Variants in GNPTAB observed in about 807,000 individuals in gnomAD.
The protein encoded by GNPTAB is N-acetylglucosamine-1-phosphotransferase subunits alpha/beta.
A neutral mutation model predicts 136.6 loss-of-function variants in GNPTAB; 92 were observed. The observed-to-expected ratio is 0.67, with a 90% CI of 0.57 to 0.80. The LOEUF (loss-of-function observed/expected upper bound fraction) is 0.80, where lower values mean the gene tolerates loss of function less well. Ranked by LOEUF, GNPTAB falls within the 30% of genes least tolerant of loss-of-function variation. The pLI is 0.00. For missense variants in GNPTAB, 1,343 were observed against 1,501.8 expected (o/e 0.89, Z 1.75); for synonymous variants, 512 against 535.1 (o/e 0.96, Z 0.60).
rs190237291 is a variant in GNPTAB, at chr12:101,783,303, T to C, written c.572-2682A>G. On this transcript the variant is annotated intron_variant, in intron 5 of 20. Transcript: ENST00000299314. ...ACTAAAATAGAATGTTCACTTCCCA[T>C]TGACACATTTTAAAAGTAATCTGAG... Among the ~76,000 whole-genome samples the C allele has an allele frequency of 4.6e-5, 7 of 152,182 alleles. No homozygotes were observed. The East Asian group carries it at 9.7e-4, about 21-fold the overall frequency.
Position 101,780,603 on chromosome 12 carries a change from C to T in GNPTAB, c.590G>A (p.Gly197Glu), listed in dbSNP as rs1261708006. ...STKDVEDAHS[G>E]LLKGNSRQTV... The stretch of plus-strand genomic sequence containing the variant: ...CTGTCTGCTATTTCCTTTAAGCAGT[C>T]CAGAGTGGGCATCTTCAACTACAAC... Residue 197 changes from glycine (G) to glutamate (E), a missense_variant, in exon 6 of 21, where the codon GGA becomes GAA. Coordinates refer to ENST00000299314, the MANE Select transcript of GNPTAB (RefSeq NM_024312.5). 1.7e-5 allele frequency: 27 copies of T among 1,610,228 alleles called. No individual in the cohort carries two copies. In the Middle Eastern group the frequency reaches 5.1e-4, roughly 30 times the overall value.
At position 101,765,078 on chromosome 12, in the gene GNPTAB, A is replaced by C. The variant is rs756140376; in HGVS notation, c.1839T>G (p.Phe613Leu). The change falls in exon 13 of 21, where the codon TTT becomes TTG. Residue 613 changes from phenylalanine to leucine, a missense_variant. Physicochemically the swap from Phe to Leu is conservative, Grantham distance 22. Coordinates refer to ENST00000299314, the MANE Select transcript of GNPTAB (RefSeq NM_024312.5). ...HSGMNATTIH[F>L]NLTFQNTNDE... ...CGTTTGTATTTTGAAACGTGAGATTAAAATGTATTGTGGTGGCATTCATTC... is the reference window on the plus strand; with the variant it reads ...CGTTTGTATTTTGAAACGTGAGATTCAAATGTATTGTGGTGGCATTCATTC... The C allele has an allele frequency of 6.2e-7, 1 of 1,614,128 alleles. No individual in the cohort carries two copies.
chr12:101,769,923 G>A (rs1953145461), intron 10 of GNPTAB, 98 bp downstream of exon 10: 1 of 1,199,774 alleles, frequency 8.3e-7, no homozygotes, highest in Non-Finnish European at 1.2e-6. Flanking sequence ...GAGCCACCAT[G>A]TCTGGCCTGA....
Position 101,749,088 on chromosome 12 carries a change from A to T in GNPTAB, c.3693+13T>A, listed in dbSNP as rs768262550. On this transcript the variant is annotated intron_variant, in intron 20 of 20. Coordinates refer to ENST00000299314, the MANE Select transcript of GNPTAB (RefSeq NM_024312.5). Reference sequence around the variant, plus strand: ...ATACCATTTAATACCCACATAAAATATATAAAACTTACCTGCTCAGCAAAA... The same window carrying T: ...ATACCATTTAATACCCACATAAAATTTATAAAACTTACCTGCTCAGCAAAA... 7.0e-7 allele frequency: 1 copy of T among 1,428,886 alleles called. No homozygotes were observed. The highest frequency in any genetic ancestry group is 9.9e-7 in the Non-Finnish European group (1 of 1,012,140). The allele number at this position is 1,428,886 out of a possible 1,614,324, so 88.5% of individuals were successfully genotyped here.
chr12:101,752,605 A>C (rs1343211908), intron 19 of GNPTAB, among the ~76,000 whole-genome samples: 1 of 152,234 alleles, frequency 6.6e-6, no homozygotes, highest in East Asian at 1.9e-4. Context: ...AAGCTGGGCT[A>C]GCCCCCAAAT....
intron 5 of GNPTAB, among the ~76,000 whole-genome samples, chr12:101,781,662 T>G (rs1335819113): frequency 6.6e-6 from 1 of 152,086 alleles, no homozygotes; most frequent in East Asian, 1.9e-4. Context: ...CTAGCCTGGG[T>G]GACAGAGTGA....
chr12:101,751,493 A>C (rs965865659), intron 19 of GNPTAB, among the ~76,000 whole-genome samples: 4 of 152,220 alleles, frequency 2.6e-5, no homozygotes, highest in Non-Finnish European at 5.9e-5. Flanking sequence ...AAATCTTCCT[A>C]AACTGAAAGA....
chr12:101,776,212 A>T (rs1193918970), intron 7 of GNPTAB, among the ~76,000 whole-genome samples: 1 of 152,224 alleles, frequency 6.6e-6, no homozygotes, highest in African/African-American at 2.4e-5. Context: ...AATATGTTTA[A>T]AAAAGAAGTG....
intron 20 of GNPTAB, 78 bp from the exon 21 acceptor site, chr12:101,747,319 G>C (rs192149785): frequency 1.3e-6 from 1 of 795,484 alleles, no homozygotes; most frequent in East Asian, 2.6e-5. Context: ...CTTTCTAAGA[G>C]CCATATGACC....
At chr12:101,790,984 A>C (rs549590663) in intron 2 of GNPTAB, among the ~76,000 whole-genome samples, 7 of 152,246 alleles carry the variant, frequency 4.6e-5, no homozygotes, top group African/African-American at 1.4e-4. Flanking sequence ...TGTAAGCTCC[A>C]AGAAAGCAGA....
At chr12:101,821,608 G>C (rs1870807305) in intron 1 of GNPTAB, among the ~76,000 whole-genome samples, 2 of 152,198 alleles carry the variant, frequency 1.3e-5, no homozygotes, top group Non-Finnish European at 2.9e-5. Context: ...GTGGCGATCA[G>C]AGGAGGTTTT....
chr12:101,779,973 C>G, intron 7 of GNPTAB, 179 bp downstream of exon 7: 1 of 661,214 alleles, frequency 1.5e-6, no homozygotes, highest in Middle Eastern at 4.1e-4. Flanking sequence ...CCAAATAAGA[C>G]TCTTAGATTT....
chr12:101,777,993 A>C (rs1363284788), intron 7 of GNPTAB, among the ~76,000 whole-genome samples: 1 of 152,162 alleles, frequency 6.6e-6, no homozygotes, highest in Non-Finnish European at 1.5e-5. Context: ...AATCCAAATA[A>C]ATCTCTGACT....
At chr12:101,751,657 C>G (rs1349596339) in intron 19 of GNPTAB, among the ~76,000 whole-genome samples, 2 of 152,206 alleles carry the variant, frequency 1.3e-5, no homozygotes, top group African/African-American at 4.8e-5. Context: ...GAGCAAGTTA[C>G]TCAACTCACA....
rs1953071705 is a variant in GNPTAB at position 101,765,231 on chromosome 12, G to A, written c.1686C>T (p.Cys562=). The A allele has an allele frequency of 1.2e-6, 2 of 1,613,748 alleles. No homozygotes were observed. Among genetic ancestry groups the A allele is most frequent in the Admixed American group, 1.7e-5 (1 of 60,008 alleles). The stretch of plus-strand genomic sequence containing the variant: ...CTTCTGCAAAGCTGAAATAAGGCAG[G>A]CATTCACCTTTTGGAATAATATAGT... ...QTHYIIPKGE[C]LPYFSFAEVA... is the part of the protein sequence containing the mutation. The change falls in exon 13 of 21, where the codon TGC becomes TGT. Residue 562 remains cysteine (C), a synonymous_variant. Transcript: ENST00000299314.
At chr12:101,809,432 T>C (rs1354776024) in intron 1 of GNPTAB, among the ~76,000 whole-genome samples, 1 of 152,186 alleles carries the variant, frequency 6.6e-6, no homozygotes, top group Non-Finnish European at 1.5e-5. Flanking sequence ...AGTATTTACC[T>C]GAGTTGAAAA....
chr12:101,824,641 AT>A (rs1871000573), intron 1 of GNPTAB, among the ~76,000 whole-genome samples: 1 of 150,826 alleles, frequency 6.6e-6, no homozygotes, highest in Admixed American at 6.6e-5. Flanking sequence ...TAATTTTTGT[AT>A]TTTTTGTAGA....
chr12:101,754,288 G>A (rs910926630), intron 18 of GNPTAB, among the ~76,000 whole-genome samples: 15 of 151,762 alleles, frequency 9.9e-5, no homozygotes, highest in Admixed American at 8.5e-4. Flanking sequence ...AATTAGCCGG[G>A]TGTGGTGGCA....
chr12:101,820,297 G>A lies in GNPTAB; in HGVS notation c.117+10262C>T, dbSNP rs527606891. Among the ~76,000 whole-genome samples the A allele has an allele frequency of 2.0e-5, 3 of 152,316 alleles. No homozygotes were observed. The East Asian group carries it at 5.8e-4, about 29-fold the overall frequency. On this transcript the variant is annotated intron_variant, in intron 1 of 20. Transcript: ENST00000299314. ...GAACTTGTCTATCTCGCTTACTTTTGTATCCCAAGATGTTGGTGGAGTGCC... is the reference window on the plus strand; with the variant it reads ...GAACTTGTCTATCTCGCTTACTTTTATATCCCAAGATGTTGGTGGAGTGCC...
Sources: allele counts gnomAD v4.1 joint callset (sites outside exome capture counted in the v4.1 genomes callset), GRCh38; gene constraint gnomAD v4.1.1; transcripts MANE v1.5; gene names NCBI Gene and HGNC (gene_info 2026-07-23, HGNC 2026-07-21).